Variants in PRCD observed in about 807,000 individuals in gnomAD.
PRCD encodes photoreceptor disk component PRCD.
A neutral mutation model predicts 10.1 loss-of-function variants in PRCD; 12 were observed. The observed-to-expected ratio is 1.18, with a 90% CI of 0.76 to 1.92. The LOEUF (loss-of-function observed/expected upper bound fraction) is 1.92. Among genes scored for constraint, PRCD ranks in the 40% most tolerant of loss-of-function variants. The probability of loss-of-function intolerance (pLI) is 0.00; values close to 1 mark genes in which losing one functional copy is unlikely to be tolerated. For missense variants in PRCD, 61 were observed against 72.2 expected (o/e 0.84, Z 0.56); for synonymous variants, 31 against 26.2 (o/e 1.18, Z -0.56).
In PRCD at chr17:76,540,206, G is replaced by A. The variant is rs760704583; in HGVS notation, c.65G>A (p.Arg22Gln). ...CTCTGGCGCCGCCGATTTGCCAACCGAGTCCAACCGTGAGAAACTGACCGG... is the reference window on the plus strand; with the variant it reads ...CTCTGGCGCCGCCGATTTGCCAACCAAGTCCAACCGTGAGAAACTGACCGG... Reference protein sequence around the residue: ...AMLWRRRFANRVQPEPSDVDG... With the variant: ...AMLWRRRFANQVQPEPSDVDG... Residue 22 changes from arginine (R) to glutamine (Q), a missense_variant, in exon 1 of 5, where the codon CGA becomes CAA. Transcript: ENST00000592014. This position sits in a 1 kb window ranked among gnomAD's most constrained non-coding sequence, Gnocchi z 5.0. The A allele has an allele frequency of 8.9e-6, 13 of 1,467,262 alleles. No individual in the cohort carries two copies. The highest frequency in any genetic ancestry group is 1.9e-5 in the Admixed American group (1 of 52,768). 90.9% of individuals were successfully genotyped at this position (1,467,262 alleles called of 1,614,324 possible).
At chr17:76,539,905 C>G (rs2074965062), upstream of PRCD, 2 of 592,518 alleles carry the variant, frequency 3.4e-6, no homozygotes, top group Admixed American at 5.9e-5. Context: ...GTGCTCAATG[C>G]CACAGTGCAT....
chr17:76,537,281 C>T (rs1271408702), upstream of PRCD: 2 of 1,192,604 alleles, frequency 1.7e-6, no homozygotes, highest in Non-Finnish European at 2.2e-6. Context: ...GACCTCGGAC[C>T]GGCCCCATTC....
At position 76,531,225 on chromosome 17, in the gene PRCD, G is replaced by T; in HGVS notation, n.45+3392G>T. 2 of 1,431,338 alleles carry T rather than the reference G, an allele frequency of 1.4e-6. No individual in the cohort carries two copies. Among genetic ancestry groups the T allele is most frequent in the Non-Finnish European group, 1.9e-6 (2 of 1,045,184 alleles). 88.7% of individuals were successfully genotyped at this position (1,431,338 alleles called of 1,614,324 possible). A position where few individuals can be genotyped will look rare whatever the true frequency, so the allele number is the denominator to read the frequency against. On this transcript the variant is annotated intron_variant and non_coding_transcript_variant, in intron 1 of 4. Coordinates refer to the PRCD transcript ENST00000397633. The surrounding 1 kb of genome is among the most constrained non-coding windows in gnomAD (Gnocchi z 7.4). ...CCCAGGCCCCTCCGCCCCACGTGTG[G>T]CCGAGAGGATCATTCCTAACGCAAC...
At chr17:76,547,599 G>A (rs2075064110), downstream of PRCD, among the ~76,000 whole-genome samples, 1 of 151,918 alleles carries the variant, frequency 6.6e-6, no homozygotes, top group African/African-American at 2.4e-5. Flanking sequence ...CTGTGCACCT[G>A]GGGAGGAGAG....
In PRCD at chr17:76,530,055, C is replaced by T. The variant is rs528327186; in HGVS notation, n.45+2222C>T. 209 of 985,388 alleles carry T rather than the reference C, an allele frequency of 2.1e-4. 1 individual carries two copies. In the African/African-American group the frequency reaches 3.5e-3, roughly 16 times the overall value. 61.0% of individuals were successfully genotyped at this position (985,388 alleles called of 1,614,324 possible). On this transcript the variant is annotated intron_variant and non_coding_transcript_variant, in intron 1 of 4. Coordinates refer to the PRCD transcript ENST00000397633. This position sits in a 1 kb window ranked among gnomAD's most constrained non-coding sequence, Gnocchi z 6.1. ...AGAAGGGCCGGCAGTCTTGGGGGCCCGTGCAGAGCCCGGCGGGAGACGCCG... is the reference window on the plus strand; with the variant it reads ...AGAAGGGCCGGCAGTCTTGGGGGCCTGTGCAGAGCCCGGCGGGAGACGCCG...
At chr17:76,535,624 C>A (rs1304021371), upstream of PRCD, among the ~76,000 whole-genome samples, 1 of 152,138 alleles carries the variant, frequency 6.6e-6, no homozygotes. Context: ...TGGTAATGAC[C>A]TCCCCCAGCC....
chr17:76,539,567 C>T (rs2074962097), upstream of PRCD, among the ~76,000 whole-genome samples: 1 of 152,186 alleles, frequency 6.6e-6, no homozygotes, highest in African/African-American at 2.4e-5. Context: ...CCCCTTTCTT[C>T]CTCCTCTCCT....
In PRCD at chr17:76,533,200, G is replaced by A. The variant is rs1222831151; in HGVS notation, n.45+5367G>A. On this transcript the variant is annotated intron_variant and non_coding_transcript_variant, in intron 1 of 4. Transcript: ENST00000397633. This position sits in a 1 kb window ranked among gnomAD's most constrained non-coding sequence, Gnocchi z 4.5. ...AGACTCAGGAGGGCCCCTCTCAGAG[G>A]CCAACTGTGACCTTGGGCAAACCGC... Among the ~76,000 whole-genome samples, 1 of 152,160 alleles carries A rather than the reference G, an allele frequency of 6.6e-6. No homozygotes were observed. Among genetic ancestry groups the A allele is most frequent in the Non-Finnish European group, 1.5e-5 (1 of 68,020 alleles).
chr17:76,537,324 C>T, upstream of PRCD: 1 of 1,429,954 alleles, frequency 7.0e-7, no homozygotes, highest in South Asian at 1.3e-5. Context: ...AGCTCGGACC[C>T]GGGCCCAGCC....
intron 1 of PRCD, chr17:76,551,479 G>A (rs376145018): frequency 1.3e-5 from 2 of 152,208 alleles, no homozygotes; most frequent in South Asian, 2.1e-4. Context: ...CAACTCCAAC[G>A]CCATCTATTC....
At chr17:76,549,435 C>T (rs1167754909), downstream of PRCD, among the ~76,000 whole-genome samples, 3 of 152,208 alleles carry the variant, frequency 2.0e-5, no homozygotes, top group Admixed American at 6.5e-5. Flanking sequence ...CAATGACATA[C>T]CACTACATGC....
downstream of PRCD, chr17:76,545,945 G>C (rs1338019512): frequency 6.3e-6 from 1 of 157,970 alleles, no homozygotes. Flanking sequence ...GCAGAGGGTG[G>C]CATTGCTGGG....
Position 76,528,425 on chromosome 17 carries a change from G to T in PRCD, n.45+592G>T, listed in dbSNP as rs1463849911. The stretch of plus-strand genomic sequence containing the variant: ...GCCGCCTCCCAGCAGCTCCAGGGGG[G>T]GACCCTGGCCGCCACAGAGGCCTCC... On this transcript the variant is annotated intron_variant and non_coding_transcript_variant, in intron 1 of 4. Coordinates refer to the PRCD transcript ENST00000397633. This position sits in a 1 kb window ranked among gnomAD's most constrained non-coding sequence, Gnocchi z 5.8. 3.0e-6 allele frequency: 2 copies of T among 675,004 alleles called. No individual in the cohort carries two copies. Among genetic ancestry groups the T allele is most frequent in the Non-Finnish European group, 4.3e-6 (2 of 470,244 alleles). 41.8% of individuals were successfully genotyped at this position (675,004 alleles called of 1,614,324 possible).
chr17:76,552,851 CA>C (rs1439306163), intron 1 of PRCD: 1 of 88,160 alleles, frequency 1.1e-5, no homozygotes, highest in Non-Finnish European at 2.1e-5. Context: ...GCGACAAGAG[CA>C]AAGCTCTGTC....
chr17:76,534,186 TTC>T (rs2074889040), intron 1 of PRCD, among the ~76,000 whole-genome samples: 2 of 124,078 alleles, frequency 1.6e-5, no homozygotes, highest in African/African-American at 5.1e-5. Flanking sequence ...CTTTCTTTCT[TTC>T]TTTCTTGAGA....
rs749101962 is a variant in PRCD at position 76,543,961 on chromosome 17, C to T, written c.*311C>T. 3.6e-5 allele frequency: 17 copies of T among 466,612 alleles called. No homozygotes were observed. The highest frequency in any genetic ancestry group is 2.4e-4 in the African/African-American group (12 of 50,048). The allele number at this position is 466,612 out of a possible 1,614,324, so 28.9% of individuals were successfully genotyped here. On this transcript the variant is annotated 3_prime_UTR_variant, in exon 5 of 5. Transcript: ENST00000592014. ...TGTGTGCAAGCGCGTGTGTTCCAAA[C>T]GGGCAGTAGCGTGTGGGAAGGAAAA...
chr17:76,537,567 T>G, upstream of PRCD: 1 of 1,317,982 alleles, frequency 7.6e-7, no homozygotes, highest in Non-Finnish European at 9.8e-7. Context: ...CCAGCCCGGC[T>G]TTGCTCGGCG....
chr17:76,540,507 A>T lies in PRCD; in HGVS notation c.77A>T (p.Glu26Val). 2 of 1,613,246 alleles carry T rather than the reference A, an allele frequency of 1.2e-6. No homozygotes were observed. The highest frequency in any genetic ancestry group is 1.7e-6 in the Non-Finnish European group (2 of 1,179,786). ...CTCCCTACTCTTGCCTCCCACAGAG[A>T]GCCCAGCGACGTGGATGGGGCAGCT... is the stretch of plus-strand genomic sequence containing the variant. ...RRRFANRVQP[E>V]PSDVDGAARG... The change falls in exon 2 of 5, where the codon GAG (glutamate) becomes GTG (valine). Residue 26 changes from glutamate to valine, a missense_variant and splice_region_variant. Glu to Val is a moderately radical substitution (Grantham distance 121). Transcript: ENST00000592014. The surrounding 1 kb of genome is among the most constrained non-coding windows in gnomAD (Gnocchi z 5.0).
chr17:76,529,026 G>A, intron 1 of PRCD: 3 of 981,362 alleles, frequency 3.1e-6, no homozygotes, highest in Non-Finnish European at 3.6e-6. Flanking sequence ...TACACACAGC[G>A]CCCCCTGCAG....
Sources: allele counts gnomAD v4.1 joint callset (sites outside exome capture counted in the v4.1 genomes callset), GRCh38; gene constraint gnomAD v4.1.1; non-coding constraint Gnocchi (gnomAD v3.1); transcripts MANE v1.5; gene names NCBI Gene and HGNC (gene_info 2026-07-23, HGNC 2026-07-21).